The following CX3CR1 variants were observed in gnomAD, a reference collection of about 807,000 sequenced individuals.
CX3CR1 encodes C-X3-C motif chemokine receptor 1.
For synonymous variants in CX3CR1, 168 were observed against 178.5 expected, an observed-to-expected ratio of 0.94 and a Z score of 0.47; for missense variants, 363 against 432.4, an observed-to-expected ratio of 0.84 and a Z score of 1.42.
the CX3CR1 span, among the ~76,000 whole-genome samples, chr3:39,288,894 G>C: frequency 6.6e-6 from 1 of 152,248 alleles, no homozygotes; most frequent in East Asian, 1.9e-4. Context: ...GCCGGGCACA[G>C]TGGCTCATGC....
upstream of CX3CR1, among the ~76,000 whole-genome samples, chr3:39,283,396 G>A (rs2040920429): frequency 6.6e-6 from 1 of 152,102 alleles, no homozygotes; most frequent in Non-Finnish European, 1.5e-5. Flanking sequence ...GAAGGTTCTT[G>A]TGCTTTATGT....
chr3:39,264,679 A>G lies in CX3CR1; in HGVS notation c.*763T>C, dbSNP rs2040669507. The G allele has an allele frequency of 6.6e-6, 1 of 152,474 alleles. No homozygotes were observed. Among genetic ancestry groups the G allele is most frequent in the African/African-American group, 2.4e-5 (1 of 41,462 alleles). 9.4% of individuals were successfully genotyped at this position (152,474 alleles called of 1,614,324 possible). A position where few individuals can be genotyped will look rare whatever the true frequency, so the allele number is the denominator to read the frequency against. On this transcript the variant is annotated 3_prime_UTR_variant, in exon 2 of 2. Coordinates refer to ENST00000399220, the MANE Select transcript of CX3CR1 (RefSeq NM_001337.4). ...GGGGAGCCCTTGCAGGTTTGGGGACATGATGGAAGAGGGCTTAATGAAGAC... is the reference window on the plus strand; with the variant it reads ...GGGGAGCCCTTGCAGGTTTGGGGACGTGATGGAAGAGGGCTTAATGAAGAC...
chr3:39,290,639 G>A, the CX3CR1 span, among the ~76,000 whole-genome samples: 2,276 of 152,258 alleles, frequency 0.015, 61 homozygotes, highest in African/African-American at 0.052. Flanking sequence ...AGGTCAGATA[G>A]GGCCGGGCGC....
At chr3:39,275,499 G>T (rs2040829492) in intron 1 of CX3CR1, among the ~76,000 whole-genome samples, 1 of 152,186 alleles carries the variant, frequency 6.6e-6, no homozygotes, top group Non-Finnish European at 1.5e-5. Context: ...GGCAAACGGT[G>T]CTGGCAAGAC....
At chr3:39,281,503 C>A, upstream of CX3CR1, 2 of 986,572 alleles carry the variant, frequency 2.0e-6, no homozygotes, top group Non-Finnish European at 1.5e-6. Context: ...CATCAGTAAT[C>A]CCCTCCGTGT....
upstream of CX3CR1, among the ~76,000 whole-genome samples, chr3:39,284,454 G>C (rs1369662129): frequency 6.6e-6 from 1 of 152,142 alleles, no homozygotes; most frequent in Non-Finnish European, 1.5e-5. Flanking sequence ...GAGCCACTGC[G>C]CCCAGACAAG....
chr3:39,265,414 C>A lies in CX3CR1; in HGVS notation c.*28G>T. The A allele has an allele frequency of 6.4e-7, 1 of 1,564,800 alleles. No homozygotes were observed. The highest frequency in any genetic ancestry group is 8.7e-7 in the Non-Finnish European group (1 of 1,155,720). On this transcript the variant is annotated 3_prime_UTR_variant, in exon 2 of 2. Transcript: ENST00000399220. ...ATCAGGTTCAGGAACTCCAGGTTCT[C>A]TGTAGACACAAGGCTTTGGGATTCC... is the stretch of plus-strand genomic sequence containing the variant.
intron 1 of CX3CR1, among the ~76,000 whole-genome samples, chr3:39,273,353 C>T: frequency 6.6e-6 from 1 of 152,208 alleles, no homozygotes; most frequent in South Asian, 2.1e-4. Context: ...GAATCTAGCT[C>T]CCAGCAACCA....
chr3:39,292,765 G>C, the CX3CR1 span, among the ~76,000 whole-genome samples: 2 of 152,174 alleles, frequency 1.3e-5, no homozygotes, highest in Non-Finnish European at 2.9e-5. Flanking sequence ...GCTGCAGTCT[G>C]ACTCTGGAAC....
At chr3:39,283,798 TATATATATATATATATATATATATA>T (rs2125558607), upstream of CX3CR1, among the ~76,000 whole-genome samples, 1 of 28,738 alleles carries the variant, frequency 3.5e-5, no homozygotes. Context: ...AAAAAAATTA[TATATATATATATATATATATATATA>T]TATATATATA....
In CX3CR1 at chr3:39,266,094, T is replaced by C. The variant is rs1280229860; in HGVS notation, c.416A>G (p.Asn139Ser). ...GACGCCATGCTGCACGGTCCGGTTGTTCATGGAGTTGGCGGCCAGGACGAT... is the reference window on the plus strand; with the variant it reads ...GACGCCATGCTGCACGGTCCGGTTGCTCATGGAGTTGGCGGCCAGGACGAT... ...LAIVLAANSM[N>S]NRTVQHGVTI... The change falls in exon 2 of 2, where the codon AAC (asparagine) becomes AGC (serine). Residue 139 changes from asparagine to serine, a missense_variant. Physicochemically the swap from Asn to Ser is conservative, Grantham distance 46. Transcript: ENST00000399220. 1 of 1,614,218 alleles carries C rather than the reference T, an allele frequency of 6.2e-7. No homozygotes were observed. Among genetic ancestry groups the C allele is most frequent in the Non-Finnish European group, 8.5e-7 (1 of 1,180,044 alleles).
At chr3:39,270,102 T>C (rs1233022178) in intron 1 of CX3CR1, among the ~76,000 whole-genome samples, 1 of 152,182 alleles carries the variant, frequency 6.6e-6, no homozygotes, top group Non-Finnish European at 1.5e-5. Flanking sequence ...CCCTTGAAGA[T>C]GGAGGAGACT....
At chr3:39,268,766 T>G (rs2040735542) in intron 1 of CX3CR1, among the ~76,000 whole-genome samples, 1 of 152,214 alleles carries the variant, frequency 6.6e-6, no homozygotes. Context: ...CCTCTGAGCC[T>G]AACATTCCTT....
chr3:39,290,754 T>C, the CX3CR1 span, among the ~76,000 whole-genome samples: 2 of 152,050 alleles, frequency 1.3e-5, no homozygotes, highest in Non-Finnish European at 2.9e-5. Flanking sequence ...ACCTCGTCTC[T>C]AGTAAAAATA....
At chr3:39,274,621 T>C (rs2040819100) in intron 1 of CX3CR1, among the ~76,000 whole-genome samples, 1 of 152,278 alleles carries the variant, frequency 6.6e-6, no homozygotes, top group African/African-American at 2.4e-5. Flanking sequence ...TGGTATTTAT[T>C]TATTTATGTC....
At chr3:39,281,608 C>A, upstream of CX3CR1, 1 of 1,598,986 alleles carries the variant, frequency 6.3e-7, no homozygotes, top group African/African-American at 1.3e-5. Context: ...TCACCACTTA[C>A]CCCACTGGCC....
intron 1 of CX3CR1, among the ~76,000 whole-genome samples, chr3:39,270,517 T>A (rs796378413): frequency 1.2e-4 from 18 of 152,306 alleles, no homozygotes; most frequent in African/African-American, 3.9e-4. Flanking sequence ...AACAGGCAGA[T>A]CTGTATATTC....
At chr3:39,271,263 C>T (rs2040772464) in intron 1 of CX3CR1, among the ~76,000 whole-genome samples, 1 of 152,136 alleles carries the variant, frequency 6.6e-6, no homozygotes, top group Admixed American at 6.5e-5. Context: ...GATGACAGCA[C>T]CCTATCAGTC....
upstream of CX3CR1, chr3:39,281,509 C>T (rs747430603): frequency 6.0e-5 from 62 of 1,040,980 alleles, no homozygotes; most frequent in Admixed American, 8.1e-5. Flanking sequence ...TAATCCCCTC[C>T]GTGTTCATGA....
Sources: gnomAD v4.1 joint callset for allele counts (sites outside exome capture counted in the v4.1 genomes callset) on GRCh38, gnomAD v4.1.1 for gene constraint, MANE v1.5 for transcripts, NCBI Gene and HGNC (gene_info 2026-07-23, HGNC 2026-07-21) for gene names.